The following KCNH2 variants were observed in gnomAD, a reference collection of about 807,000 sequenced individuals.
KCNH2 encodes the protein potassium voltage-gated channel subfamily H member 2.
KCNH2 carries 35 observed loss-of-function variants against 95.9 expected under a neutral mutation model. The ratio of observed to expected loss-of-function variants is 0.37; its 90% CI spans 0.28 to 0.48. The LOEUF is 0.48. Among genes scored for constraint, KCNH2 ranks in the 20% least tolerant of loss-of-function variants. KCNH2 has a pLI of 0.99. For synonymous variants in KCNH2, 786 were observed against 754.7 expected (o/e 1.04, Z -0.68); for missense variants, 1,274 against 1,702.9 (o/e 0.75, Z 4.43).
chr7:150,945,408 G>T lies in KCNH2; in HGVS notation c.3437C>A (p.Thr1146Asn). Residue 1146 changes from threonine (T) to asparagine (N), a missense_variant, in exon 15 of 15, where the codon ACC becomes AAC. By Grantham distance (65) the Thr-to-Asn change is moderately conservative. Transcript: ENST00000262186. The surrounding 1 kb of genome is among the most constrained non-coding windows in gnomAD (Gnocchi z 5.6). The stretch of plus-strand genomic sequence containing the variant: ...GCCGTGTCTGTGCAGGGGCTGGGAG[G>T]TGAGGGCCCCCAGCTGGCCCGGTAG... ...LSLPGQLGAL[T>N]SQPLHRHGSD... 6.3e-7 allele frequency: 1 copy of T among 1,584,444 alleles called. No individual in the cohort carries two copies. The highest frequency in any genetic ancestry group is 8.6e-7 in the Non-Finnish European group (1 of 1,165,488).
chr7:150,965,024 A>G (rs2907947), intron 2 of KCNH2, among the ~76,000 whole-genome samples: 107,046 of 151,990 alleles, frequency 0.7, 38,803 homozygotes, highest in East Asian at 0.88. Context: ...ATGAGAGAGA[A>G]GGAGGGAGAG....
In KCNH2 at chr7:150,948,980, C is replaced by T. The variant is rs1064793147; in HGVS notation, c.2468G>A (p.Arg823Gln). ...GTGTAGGTCACAGTAGGTGAGGGCCCGCACATCCCCGTTCGACTTGCCAGG... is the reference window on the plus strand; with the variant it reads ...GTGTAGGTCACAGTAGGTGAGGGCCTGCACATCCCCGTTCGACTTGCCAGG... The part of the protein sequence containing the change: ...ARPGKSNGDV[R>Q]ALTYCDLHKI... Residue 823 changes from arginine (R) to glutamine (Q), a missense_variant, in exon 10 of 15, where the codon CGG (arginine) becomes CAG (glutamine). Physicochemically the swap from Arg to Gln is conservative, Grantham distance 43. Transcript: ENST00000262186. The T allele has an allele frequency of 3.1e-6, 5 of 1,614,142 alleles. No individual in the cohort carries two copies. The highest frequency in any genetic ancestry group is 2.2e-5 in the South Asian group (2 of 91,082).
intron 2 of KCNH2, among the ~76,000 whole-genome samples, chr7:150,971,815 A>G (rs923695865): frequency 1.4e-4 from 22 of 152,178 alleles, no homozygotes; most frequent in African/African-American, 5.3e-4. Context: ...CAGGGAGCAG[A>G]GGCAGGAACA....
In KCNH2 at chr7:150,946,950, G is replaced by GTGCT. The variant is rs1221272337; in HGVS notation, c.3256_3257insAGCA (p.Pro1086GlnfsTer34). ...CAGCGGGGATGTGGAAGTGGGGCCA[G>GTGCT]GCCCCGGGGTGGTCACAGCACTGTA... On this transcript the variant is annotated frameshift_variant, in exon 14 of 15. Coordinates refer to ENST00000262186, the MANE Select transcript of KCNH2 (RefSeq NM_000238.4). LOFTEE classifies it high-confidence loss of function. The surrounding 1 kb of genome is among the most constrained non-coding windows in gnomAD (Gnocchi z 6.5). The GTGCT allele has an allele frequency of 6.2e-7, 1 of 1,605,656 alleles. No individual in the cohort carries two copies.
At position 150,959,748 on chromosome 7, in the gene KCNH2, G is replaced by A; in HGVS notation, c.308-12C>T. 1 of 1,614,120 alleles carries A rather than the reference G, an allele frequency of 6.2e-7. No individual in the cohort carries two copies. Among genetic ancestry groups the A allele is most frequent in the Non-Finnish European group, 8.5e-7 (1 of 1,180,016 alleles). On this transcript the variant is annotated splice_polypyrimidine_tract_variant and intron_variant, in intron 2 of 14. Transcript: ENST00000262186. ...TAGGAAGCAGCTCCCTGCAGAGTGG[G>A]AGGACATAGCCCCCTTGGCACCCAC... is the stretch of plus-strand genomic sequence containing the variant.
chr7:150,954,962 C>T (rs1257668882), intron 5 of KCNH2, among the ~76,000 whole-genome samples: 1 of 152,258 alleles, frequency 6.6e-6, no homozygotes, highest in East Asian at 1.9e-4. Flanking sequence ...CACAAGCCTC[C>T]TTTGCCCACA....
rs1367019959 is a variant in KCNH2, at chr7:150,958,202, G to A, written c.773C>T (p.Pro258Leu). 1.8e-5 allele frequency: 25 copies of A among 1,369,152 alleles called. No homozygotes were observed. Among genetic ancestry groups the A allele is most frequent in the Non-Finnish European group, 2.2e-5 (23 of 1,064,250 alleles). The allele number at this position is 1,369,152 out of a possible 1,614,324, so 84.8% of individuals were successfully genotyped here. A position where few individuals can be genotyped will look rare whatever the true frequency, so the allele number is the denominator to read the frequency against. The change falls in exon 4 of 15, where the codon CCC becomes CTC. Residue 258 changes from proline (P) to leucine (L), a missense_variant. Pro to Leu is a moderately conservative substitution (Grantham distance 98). Around this residue, in one of 7 missense-constraint regions of KCNH2, gnomAD observed 392 missense variants for 429.9 expected, o/e 0.91. Transcript: ENST00000262186. ...GCTGCAGCTGGAGCCCGAGGCGTCG[G>A]GGTTGAGGCTGTGCGCCCGGGGCGA... ...LPSPRAHSLNPDASGSSCSLA... is the reference protein window; with the variant it reads ...LPSPRAHSLNLDASGSSCSLA...
At position 150,951,787 on chromosome 7, in the gene KCNH2, C is replaced by A; in HGVS notation, c.1606G>T (p.Ala536Ser). Residue 536 changes from alanine (A) to serine (S), a missense_variant, in exon 7 of 15, where the codon GCG becomes TCG. Ala to Ser is a moderately conservative substitution (Grantham distance 99, BLOSUM62 1). Around this residue, in one of 7 missense-constraint regions of KCNH2, gnomAD observed 147 missense variants for 344.4 expected, o/e 0.43. Coordinates refer to ENST00000262186, the MANE Select transcript of KCNH2 (RefSeq NM_000238.4). The stretch of plus-strand genomic sequence containing the variant: ...TCTGAGTAGCGATCCAGCTTCCGCG[C>A]CACGCGCACCAGCCGCAGCAGCCGC... ...TARLLRLVRV[A>S]RKLDRYSEYG... 6.3e-7 allele frequency: 1 copy of A among 1,594,432 alleles called. No individual in the cohort carries two copies. Among genetic ancestry groups the A allele is most frequent in the Non-Finnish European group, 8.6e-7 (1 of 1,166,866 alleles).
At chr7:150,965,138 C>T (rs1414542653) in intron 2 of KCNH2, among the ~76,000 whole-genome samples, 3 of 152,044 alleles carry the variant, frequency 2.0e-5, no homozygotes, top group East Asian at 1.9e-4. Context: ...CTGGGAAATG[C>T]AGCAGGTTGA....
At position 150,947,476 on chromosome 7, in the gene KCNH2, C is replaced by A; in HGVS notation, c.3004G>T (p.Gly1002Trp). The A allele has an allele frequency of 6.3e-7, 1 of 1,579,292 alleles. No homozygotes were observed. Among genetic ancestry groups the A allele is most frequent in the Non-Finnish European group, 8.6e-7 (1 of 1,163,602 alleles). ...TGGTACTGGCGGCCCCGACTGTCCCCCCAGAAGCTGAAAATGTTGGACACT... is the reference window on the plus strand; with the variant it reads ...TGGTACTGGCGGCCCCGACTGTCCCACCAGAAGCTGAAAATGTTGGACACT... ...SGVSNIFSFW[G>W]DSRGRQYQEL... Residue 1002 changes from glycine (G) to tryptophan (W), a missense_variant, in exon 13 of 15, where the codon GGG (glycine) becomes TGG (tryptophan). Physicochemically the swap from Gly to Trp is radical, Grantham distance 184. Coordinates refer to ENST00000262186, the MANE Select transcript of KCNH2 (RefSeq NM_000238.4).
chr7:150,966,023 A>G (rs533216157), intron 2 of KCNH2, among the ~76,000 whole-genome samples: 4 of 152,376 alleles, frequency 2.6e-5, no homozygotes, highest in African/African-American at 7.2e-5. Flanking sequence ...CCTGGTCATC[A>G]GTTTTCATGG....
intron 10 of KCNH2, 102 bp downstream of exon 10, chr7:150,948,754 A>C (rs1801020308): frequency 8.3e-7 from 1 of 1,209,594 alleles, no homozygotes; most frequent in South Asian, 1.3e-5. Flanking sequence ...ACAGACAGGG[A>C]AACTGAGACA....
intron 10 of KCNH2, 87 bp from the exon 11 acceptor site, chr7:150,948,630 AAGT>A: frequency 3.8e-6 from 5 of 1,326,474 alleles, no homozygotes; most frequent in Non-Finnish European, 5.4e-6. Context: ...AACACAGAAA[AAGT>A]AGGGCTGGGC....
intron 2 of KCNH2, among the ~76,000 whole-genome samples, chr7:150,969,756 G>C (rs1256760164): frequency 1.3e-5 from 2 of 152,226 alleles, no homozygotes; most frequent in Non-Finnish European, 2.9e-5. Flanking sequence ...CGGGGAGAGG[G>C]ACAGGGAACC....
At chr7:150,976,233 C>T (rs1433249974) in intron 1 of KCNH2, among the ~76,000 whole-genome samples, 1 of 152,146 alleles carries the variant, frequency 6.6e-6, no homozygotes, top group Non-Finnish European at 1.5e-5. Flanking sequence ...CAAAGCTGGG[C>T]TGCAGCAGGG....
intron 2 of KCNH2, among the ~76,000 whole-genome samples, chr7:150,974,287 T>C (rs1289568367): frequency 6.6e-6 from 1 of 152,178 alleles, no homozygotes; most frequent in Non-Finnish European, 1.5e-5. Flanking sequence ...TGGCAGCAAC[T>C]GCCCTAAGGT....
chr7:150,967,136 G>A (rs555040021), intron 2 of KCNH2, among the ~76,000 whole-genome samples: 80 of 152,138 alleles, frequency 5.3e-4, no homozygotes, highest in South Asian at 1.0e-3. Context: ...AAAATTAGCC[G>A]GATGTGGTGG....
chr7:150,957,499 G>T lies in KCNH2; in HGVS notation c.920C>A (p.Ala307Asp). ...PPPPRHASTG[A>D]MHPLRSGLLN... ...CAAGCCGCTGCGCAGTGGGTGCATG[G>T]CCCCTAGGTGGAGAGGCAGCGTGGT... The change falls in exon 5 of 15, where the codon GCC becomes GAC. Residue 307 changes from alanine (A) to aspartate (D), a missense_variant. Around this residue, in one of 7 missense-constraint regions of KCNH2, gnomAD observed 392 missense variants for 429.9 expected, o/e 0.91. Coordinates refer to ENST00000262186, the MANE Select transcript of KCNH2 (RefSeq NM_000238.4). The T allele has an allele frequency of 6.2e-7, 1 of 1,610,804 alleles. No homozygotes were observed. Among genetic ancestry groups the T allele is most frequent in the South Asian group, 1.1e-5 (1 of 90,890 alleles).
intron 2 of KCNH2, among the ~76,000 whole-genome samples, chr7:150,973,161 C>T (rs964057192): frequency 6.6e-6 from 1 of 152,220 alleles, no homozygotes; most frequent in Non-Finnish European, 1.5e-5. Context: ...AAACCCAGGA[C>T]TTATGGGTTC....
Sources: gnomAD v4.1 joint callset for allele counts (sites outside exome capture counted in the v4.1 genomes callset) on GRCh38, gnomAD v4.1.1 for gene constraint, gnomAD v4.1.1 regional missense constraint, Gnocchi (gnomAD v3.1) non-coding constraint, MANE v1.5 for transcripts, NCBI Gene and HGNC (gene_info 2026-07-23, HGNC 2026-07-21) for gene names.